Variants in GDPD1 observed in about 807,000 individuals in gnomAD.
GDPD1 encodes lysophospholipase D GDPD1.
A neutral mutation model predicts 45.1 loss-of-function variants in GDPD1; 28 were observed. That is an observed-to-expected ratio of 0.62 (90% CI 0.46 to 0.85). The LOEUF (loss-of-function observed/expected upper bound fraction) is 0.85. GDPD1 is among the 40% of genes least tolerant of loss of function. The pLI, the probability that GDPD1 is intolerant of heterozygous loss-of-function variation, is 0.00. For missense variants in GDPD1, 256 were observed against 364.8 expected, an observed-to-expected ratio of 0.70 and a Z score of 2.43; for synonymous variants, 139 against 131.4, an observed-to-expected ratio of 1.06 and a Z score of -0.40.
rs763487274 is a variant in GDPD1 at position 59,273,783 on chromosome 17, TAC to T, written c.*11_*12del. The T allele has an allele frequency of 6.5e-7, 1 of 1,549,886 alleles. No homozygotes were observed. Among genetic ancestry groups the T allele is most frequent in the Non-Finnish European group, 8.7e-7 (1 of 1,152,772 alleles). On this transcript the variant is annotated 3_prime_UTR_variant, in exon 10 of 10. Coordinates refer to ENST00000284116, the MANE Select transcript of GDPD1 (RefSeq NM_182569.4). ...TAACTTTTCAGCATAGAAAAAGAGG[TAC>T]TTAGAAGTATTGAAGGAAAAAATGA...
At chr17:59,222,801 C>T (rs1034238108) in intron 1 of GDPD1, among the ~76,000 whole-genome samples, 43 of 152,172 alleles carry the variant, frequency 2.8e-4, no homozygotes, top group Admixed American at 1.6e-3. Context: ...AGGCGTGAGA[C>T]ACTGCACCCT....
chr17:59,243,834 G>A (rs559315144), intron 2 of GDPD1, among the ~76,000 whole-genome samples: 4 of 152,182 alleles, frequency 2.6e-5, no homozygotes, highest in Non-Finnish European at 5.9e-5. Flanking sequence ...AATAGATGTT[G>A]ATAATGAAAA....
chr17:59,250,617 A>AAC, intron 4 of GDPD1, among the ~76,000 whole-genome samples: 1 of 146,156 alleles, frequency 6.8e-6, no homozygotes, highest in African/African-American at 2.6e-5. Flanking sequence ...TTGTCTCAAA[A>AAC]AAAAAAAAAA....
At position 59,220,738 on chromosome 17, in the gene GDPD1, C is replaced by G; in HGVS notation, c.129C>G (p.Ile43Met). ...AGCAGCGATTCCTCAGTAAACACAT[C>G]TCTCACCGCGGAGGTGAGAGGGGTC... ...RKKQRFLSKH[I>M]SHRGGAGENL... Residue 43 changes from isoleucine (I) to methionine (M), a missense_variant, in exon 1 of 10, where the codon ATC (isoleucine) becomes ATG (methionine). By Grantham distance (10) the Ile-to-Met change is conservative. Coordinates refer to ENST00000284116, the MANE Select transcript of GDPD1 (RefSeq NM_182569.4). The G allele has an allele frequency of 1.2e-6, 2 of 1,613,508 alleles. No homozygotes were observed. Among genetic ancestry groups the G allele is most frequent in the Non-Finnish European group, 1.7e-6 (2 of 1,179,934 alleles).
At chr17:59,256,968 A>G (rs2047314003) in intron 4 of GDPD1, among the ~76,000 whole-genome samples, 154 bp from the exon 5 acceptor site, 2 of 152,172 alleles carry the variant, frequency 1.3e-5, no homozygotes, top group South Asian at 2.1e-4. Context: ...CATAGCATTT[A>G]TATCTAAGTT....
chr17:59,257,333 C>T, intron 5 of GDPD1, 93 bp downstream of exon 5: 1 of 672,690 alleles, frequency 1.5e-6, no homozygotes, highest in Non-Finnish European at 2.6e-6. Context: ...TGATAATGCT[C>T]AAGGAAATGT....
intron 4 of GDPD1, among the ~76,000 whole-genome samples, chr17:59,255,762 A>AAAAATAT (rs1281572220): frequency 2.3e-5 from 1 of 44,356 alleles, no homozygotes; most frequent in African/African-American, 1.9e-4. Flanking sequence ...AAAAAAAAAA[A>AAAAATAT]ATATATATAT....
intron 2 of GDPD1, among the ~76,000 whole-genome samples, chr17:59,235,816 CAA>C (rs368914278): frequency 7.7e-4 from 75 of 97,886 alleles, no homozygotes; most frequent in Middle Eastern, 6.8e-3. Context: ...GACTCTATCT[CAA>C]AAAAAAAAAA....
chr17:59,247,116 G>A (rs1393035803), intron 3 of GDPD1, among the ~76,000 whole-genome samples: 1 of 152,032 alleles, frequency 6.6e-6, no homozygotes, highest in African/African-American at 2.4e-5. Flanking sequence ...AGACGTCTGG[G>A]TTTACAGCAA....
chr17:59,275,149 G>T lies in GDPD1; in HGVS notation c.*1376G>T. 1 of 1,536,980 alleles carries T rather than the reference G, an allele frequency of 6.5e-7. No homozygotes were observed. Among genetic ancestry groups the T allele is most frequent in the Non-Finnish European group, 8.7e-7 (1 of 1,146,658 alleles). On this transcript the variant is annotated 3_prime_UTR_variant, in exon 10 of 10. Coordinates refer to ENST00000284116, the MANE Select transcript of GDPD1 (RefSeq NM_182569.4). ...GAACCACTGCACCCGGCCAGTAAAA[G>T]AAATTTTGAAGGCCATTGCAGCTAT...
rs751795704 is a variant in GDPD1 at position 59,248,767 on chromosome 17, G to C, written c.349G>C (p.Asp117His). ...CELPPYLGKL[D>H]VSFQRACQCE... ...GCTCCCACCTTACCTTGGCAAACTG[G>C]ATGTCTCATTTCAAAGAGGTAATAT... The change falls in exon 4 of 10, where the codon GAT (aspartate) becomes CAT (histidine). Residue 117 changes from aspartate to histidine, a missense_variant. Transcript: ENST00000284116. 1.2e-6 allele frequency: 2 copies of C among 1,604,438 alleles called. No homozygotes were observed. Among genetic ancestry groups the C allele is most frequent in the South Asian group, 2.2e-5 (2 of 89,066 alleles).
Position 59,234,480 on chromosome 17 carries a change from A to C in GDPD1, c.143-12A>C. 1 of 1,551,532 alleles carries C rather than the reference A, an allele frequency of 6.4e-7. No individual in the cohort carries two copies. The highest frequency in any genetic ancestry group is 1.7e-5 in the Admixed American group (1 of 58,896). ...TGTTCAAAATAAGTAAATATAGTTT[A>C]AATTTTCACAGGTGCTGGAGAAAAT... On this transcript the variant is annotated splice_polypyrimidine_tract_variant and intron_variant, in intron 1 of 9. Coordinates refer to ENST00000284116, the MANE Select transcript of GDPD1 (RefSeq NM_182569.4).
intron 9 of GDPD1, 168 bp downstream of exon 9, chr17:59,273,004 A>C (rs1186420168): frequency 1.7e-5 from 24 of 1,446,994 alleles, no homozygotes; most frequent in Non-Finnish European, 2.2e-5. Flanking sequence ...TTAGCAATAA[A>C]GCATTGGCAT....
At position 59,251,810 on chromosome 17, in the gene GDPD1, A is replaced by C. The variant is rs947717200; in HGVS notation, c.367+3025A>C. On this transcript the variant is annotated intron_variant, in intron 4 of 9. Transcript: ENST00000284116. ...CACTTGATCCCAGGGGTTCGAGACC[A>C]GCCTGGGCCACATACAGAGACTCCA... Among the ~76,000 whole-genome samples, 4 of 151,466 alleles carry C rather than the reference A, an allele frequency of 2.6e-5. No homozygotes were observed. In the East Asian group the frequency reaches 7.8e-4, roughly 30 times the overall value.
intron 6 of GDPD1, 91 bp from the exon 7 acceptor site, chr17:59,266,950 C>A: frequency 9.5e-7 from 1 of 1,054,236 alleles, no homozygotes; most frequent in Non-Finnish European, 1.4e-6. Context: ...GATTTCAACA[C>A]ATTGTCTTGG....
chr17:59,255,480 G>A (rs1201965079), intron 4 of GDPD1, among the ~76,000 whole-genome samples: 1 of 150,766 alleles, frequency 6.6e-6, no homozygotes, highest in South Asian at 2.1e-4. Context: ...AGTGGCTCAC[G>A]CTTGTAATCC....
chr17:59,234,074 C>T lies in GDPD1; in HGVS notation c.143-418C>T, dbSNP rs899392174. Among the ~76,000 whole-genome samples the T allele has an allele frequency of 2.6e-5, 4 of 151,988 alleles. No homozygotes were observed. The Admixed American group carries it at 2.6e-4, about 10-fold the overall frequency. On this transcript the variant is annotated intron_variant, in intron 1 of 9. Transcript: ENST00000284116. The stretch of plus-strand genomic sequence containing the variant: ...TTGGATAAGGGATACTGAACCTGTA[C>T]CATTACACTCTTTAAAACACTTGTA...
At position 59,255,758 on chromosome 17, in the gene GDPD1, A is replaced by T. The variant is rs1292081215; in HGVS notation, c.368-1364A>T. On this transcript the variant is annotated intron_variant, in intron 4 of 9. Transcript: ENST00000284116. Reference sequence around the variant, plus strand: ...AACTCCGTCTCAAAAAAAAAAAAAAAAAAAATATATATATATATATATATA... The same window carrying T: ...AACTCCGTCTCAAAAAAAAAAAAAATAAAAATATATATATATATATATATA... 2.0e-3 allele frequency among the ~76,000 whole-genome samples: 154 copies of T among 76,472 alleles called. 1 individual carries two copies. Among genetic ancestry groups the T allele is most frequent in the African/African-American group, 5.8e-3 (64 of 10,998 alleles). 50.2% of individuals were successfully genotyped at this position (76,472 alleles called of 152,430 possible). A position where few individuals can be genotyped will look rare whatever the true frequency, so the allele number is the denominator to read the frequency against.
At chr17:59,225,144 T>A (rs2047038234) in intron 1 of GDPD1, among the ~76,000 whole-genome samples, 1 of 146,542 alleles carries the variant, frequency 6.8e-6, no homozygotes, top group Admixed American at 7.1e-5. Flanking sequence ...CAGGCTGGAG[T>A]CCAGTGGTAT....
Sources: allele counts gnomAD v4.1 joint callset (sites outside exome capture counted in the v4.1 genomes callset), GRCh38; gene constraint gnomAD v4.1.1; transcripts MANE v1.5; gene names NCBI Gene and HGNC (gene_info 2026-07-23, HGNC 2026-07-21).